ALMS1: variants seen among roughly 807,000 people sequenced by gnomAD.
ALMS1 encodes ALMS1 centrosome and basal body associated protein, also known as centrosome-associated protein ALMS1.
In ALMS1, 271 loss-of-function variants were observed where a neutral mutation model predicts 352.2. That is an observed-to-expected ratio of 0.77 (90% CI 0.70 to 0.85). ALMS1 has a LOEUF of 0.85. Ranked by LOEUF, ALMS1 falls within the 40% of genes least tolerant of loss-of-function variation. The pLI is 0.00. For missense variants in ALMS1, 5,445 were observed against 4,870.7 expected, an observed-to-expected ratio of 1.12 and a Z score of -3.51; for synonymous variants, 1,865 against 1,761.2, an observed-to-expected ratio of 1.06 and a Z score of -1.48.
At chr2:73,545,198 T>G (rs1310285394) in intron 12 of ALMS1, among the ~76,000 whole-genome samples, 2 of 151,172 alleles carry the variant, frequency 1.3e-5, no homozygotes, top group East Asian at 1.9e-4. Context: ...TTTTTTTTTT[T>G]GAAACAGAGT....
rs576595517 is a variant in ALMS1 at position 73,490,280 on chromosome 2, T to G, written c.8321T>G (p.Phe2774Cys). 29 of 1,613,700 alleles carry G rather than the reference T, an allele frequency of 1.8e-5. No individual in the cohort carries two copies. The South Asian group carries it at 3.2e-4, about 18-fold the overall frequency. ...CAGAAAACCTCTTCCCCTTCATCAT[T>G]TAAAATGCATAGTAATTCACAAGAT... ...LKQKTSSPSS[F>C]KMHSNSQDKE... is the part of the protein sequence containing the mutation. Residue 2774 changes from phenylalanine (F) to cysteine (C), a missense_variant, in exon 10 of 23, where the codon TTT becomes TGT. Physicochemically the swap from Phe to Cys is radical, Grantham distance 205. Transcript: ENST00000613296.
intron 11 of ALMS1, among the ~76,000 whole-genome samples, chr2:73,526,737 C>CT (rs1425469090): frequency 1.3e-5 from 2 of 152,106 alleles, no homozygotes; most frequent in Non-Finnish European, 2.9e-5. Flanking sequence ...TGACTTCTTC[C>CT]TTTCCAATCT....
rs776916442 is a variant in ALMS1 at position 73,448,011 on chromosome 2, C to T, written c.1484C>T (p.Ser495Leu). Residue 495 changes from serine (S) to leucine (L), a missense_variant, in exon 8 of 23, where the codon TCA becomes TTA. Ser to Leu is a moderately radical substitution (Grantham distance 145, BLOSUM62 -2). Transcript: ENST00000613296. The part of the protein sequence containing the change: ...IAKVTQSNLK[S>L]GITTTPVDSD... ...AAAGTTACTCAATCCAACTTGAAGTCAGGCATCACTACCACTCCTGTTGAT... is the reference window on the plus strand; with the variant it reads ...AAAGTTACTCAATCCAACTTGAAGTTAGGCATCACTACCACTCCTGTTGAT... 1.9e-6 allele frequency: 3 copies of T among 1,613,566 alleles called. No individual in the cohort carries two copies. In the African/African-American group the frequency reaches 4.0e-5, roughly 22 times the overall value.
chr2:73,500,864 G>A (rs1673203750), intron 10 of ALMS1, among the ~76,000 whole-genome samples: 1 of 152,098 alleles, frequency 6.6e-6, no homozygotes, highest in African/African-American at 2.4e-5. Context: ...GCTCCATGTA[G>A]TCTATCTAGG....
At chr2:73,547,113 C>G (rs937718005) in intron 12 of ALMS1, among the ~76,000 whole-genome samples, 2 of 152,150 alleles carry the variant, frequency 1.3e-5, no homozygotes, top group African/African-American at 4.8e-5. Context: ...ATAAAATAGA[C>G]TTCATGTTAG....
chr2:73,472,699 T>C (rs1198010841), intron 9 of ALMS1, among the ~76,000 whole-genome samples: 1 of 152,054 alleles, frequency 6.6e-6, no homozygotes, highest in Non-Finnish European at 1.5e-5. Context: ...TGTGCCTAGA[T>C]GAACAATGAC....
chr2:73,414,319 T>C (rs1226072960), intron 2 of ALMS1, among the ~76,000 whole-genome samples: 1 of 152,092 alleles, frequency 6.6e-6, no homozygotes. Context: ...ATTGACTTTT[T>C]ATATTGACCT....
intron 15 of ALMS1, among the ~76,000 whole-genome samples, chr2:73,567,126 G>T (rs920699347): frequency 3.9e-5 from 6 of 152,124 alleles, no homozygotes; most frequent in African/African-American, 1.4e-4. Flanking sequence ...TTGGTGATTG[G>T]CTCAACCTGC....
intron 22 of ALMS1, among the ~76,000 whole-genome samples, chr2:73,609,080 G>A (rs969021809): frequency 6.6e-6 from 1 of 152,238 alleles, no homozygotes; most frequent in African/African-American, 2.4e-5. Context: ...CACGGGGCAG[G>A]GTTGGTGTTA....
At chr2:73,480,569 A>C (rs1672677662) in intron 9 of ALMS1, among the ~76,000 whole-genome samples, 1 of 151,846 alleles carries the variant, frequency 6.6e-6, no homozygotes, top group Non-Finnish European at 1.5e-5. Context: ...AGCATGATTT[A>C]TAGTCCTTTG....
chr2:73,602,433 C>T, intron 20 of ALMS1, 65 bp downstream of exon 20: 11 of 1,595,606 alleles, frequency 6.9e-6, no homozygotes, highest in Admixed American at 1.7e-5. Flanking sequence ...TGCTCTGCTG[C>T]AGAGCCCTGC....
At chr2:73,589,132 A>G (rs756738094) in intron 16 of ALMS1, among the ~76,000 whole-genome samples, 15 of 152,066 alleles carry the variant, frequency 9.9e-5, no homozygotes, top group Non-Finnish European at 1.6e-4. Flanking sequence ...ATTTTTGTCT[A>G]TTTTTTACAA....
intron 13 of ALMS1, among the ~76,000 whole-genome samples, chr2:73,552,374 C>T (rs964321815): frequency 1.1e-4 from 16 of 152,148 alleles, no homozygotes; most frequent in Non-Finnish European, 2.1e-4. Flanking sequence ...CCAGGGAATC[C>T]GTTACGTGTT....
intron 1 of ALMS1, among the ~76,000 whole-genome samples, chr2:73,406,793 T>A (rs1852647): frequency 6.6e-6 from 1 of 152,134 alleles, no homozygotes; most frequent in Admixed American, 6.5e-5. Context: ...GCCTGACTAA[T>A]GTTTACATTT....
At chr2:73,489,336 A>G (rs1672923501) in intron 9 of ALMS1, among the ~76,000 whole-genome samples, 1 of 152,224 alleles carries the variant, frequency 6.6e-6, no homozygotes, top group Admixed American at 6.5e-5. Context: ...AGGCATTTCT[A>G]TTATTAAAAG....
rs943220607 is a variant in ALMS1, at chr2:73,520,132, G to T, written c.9781+116G>T. The T allele has an allele frequency of 3.8e-6, 5 of 1,316,718 alleles. No homozygotes were observed. The African/African-American group carries it at 5.9e-5, about 15-fold the overall frequency. 81.6% of individuals were successfully genotyped at this position (1,316,718 alleles called of 1,614,324 possible). On this transcript the variant is annotated intron_variant, in intron 11 of 22. Transcript: ENST00000613296. ...AACCTAATTTTAATTTAAGAATTAGGGTCCATATGATTATATCTGTCTTTT... is the reference window on the plus strand; with the variant it reads ...AACCTAATTTTAATTTAAGAATTAGTGTCCATATGATTATATCTGTCTTTT...
intron 15 of ALMS1, among the ~76,000 whole-genome samples, chr2:73,561,734 TCA>T (rs897595204): frequency 3.0e-4 from 45 of 149,682 alleles, no homozygotes; most frequent in African/African-American, 8.9e-4. Context: ...ATACTATTTG[TCA>T]CACACAAAAA....
At chr2:73,572,195 G>A in intron 15 of ALMS1, 67 bp from the exon 16 acceptor site, 1 of 1,324,858 alleles carries the variant, frequency 7.5e-7, no homozygotes, top group Non-Finnish European at 1.0e-6. Context: ...AAAGAATTGT[G>A]AATAGTATTT....
intron 16 of ALMS1, among the ~76,000 whole-genome samples, chr2:73,588,060 GA>G (rs1172260337): frequency 1.3e-5 from 2 of 152,154 alleles, no homozygotes; most frequent in Non-Finnish European, 2.9e-5. Context: ...TCCAGGACCA[GA>G]TGGATTCACA....
Sources: allele counts gnomAD v4.1 joint callset (sites outside exome capture counted in the v4.1 genomes callset), GRCh38; gene constraint gnomAD v4.1.1; transcripts MANE v1.5; gene names NCBI Gene and HGNC (gene_info 2026-07-23, HGNC 2026-07-21).